Variants in SDK1 observed in about 807,000 individuals in gnomAD.
SDK1 encodes the protein sidekick cell adhesion molecule 1.
SDK1 carries 157 observed loss-of-function variants against 245.5 expected under a neutral mutation model. The observed-to-expected ratio is 0.64, with a 90% confidence interval of 0.56 to 0.73. The LOEUF (loss-of-function observed/expected upper bound fraction) is 0.73. SDK1 is among the 30% of genes least tolerant of loss of function. The pLI is 0.00. For synonymous variants in SDK1, 1,647 were observed against 1,278.5 expected, an observed-to-expected ratio of 1.29 and a Z score of -6.15; for missense variants, 3,583 against 3,002.3, an observed-to-expected ratio of 1.19 and a Z score of -4.52.
At chr7:3,481,004 T>A (rs1319242655) in intron 1 of SDK1, among the ~76,000 whole-genome samples, 1 of 152,236 alleles carries the variant, frequency 6.6e-6, no homozygotes, top group Admixed American at 6.5e-5. Context: ...GTATATAGAT[T>A]TTGAATTTTT....
At chr7:3,618,982 A>T in intron 1 of SDK1, 98 bp from the exon 2 acceptor site, 1 of 1,023,652 alleles carries the variant, frequency 9.8e-7, no homozygotes, top group Non-Finnish European at 1.4e-6. Flanking sequence ...CTTTCATTTT[A>T]ATATTACGTT....
At chr7:4,145,698 G>A (rs746440481) in intron 28 of SDK1, 24 bp from the exon 29 acceptor site, 2 of 1,581,172 alleles carry the variant, frequency 1.3e-6, no homozygotes, top group South Asian at 1.2e-5. Flanking sequence ...CTCAGCAGCT[G>A]TCTCCCATGT....
intron 2 of SDK1, among the ~76,000 whole-genome samples, chr7:3,638,429 A>G (rs2128650816): frequency 6.6e-6 from 1 of 152,078 alleles, no homozygotes; most frequent in South Asian, 2.1e-4. Context: ...TGTGGCACAT[A>G]TACACCATGG....
At chr7:3,567,939 C>G (rs1583175043) in intron 1 of SDK1, among the ~76,000 whole-genome samples, 1 of 152,186 alleles carries the variant, frequency 6.6e-6, no homozygotes, top group African/African-American at 2.4e-5. Flanking sequence ...ACCTCAGCCT[C>G]CTGAGTAGCT....
Position 4,229,074 on chromosome 7 carries a change from C to T in SDK1, c.5828-4181C>T, listed in dbSNP as rs143888093. On this transcript the variant is annotated intron_variant, in intron 40 of 44. Transcript: ENST00000404826. ...ATGGAAAAATTGGTTGCATAAATCT[C>T]ATTTTTGCTAATAGTTCTGTAATGT... Among the ~76,000 whole-genome samples, 117 of 152,342 alleles carry T rather than the reference C, an allele frequency of 7.7e-4. 1 individual carries two copies. Among genetic ancestry groups the T allele is most frequent in the African/African-American group, 2.6e-3 (108 of 41,580 alleles).
chr7:3,733,740 C>T (rs577525945), intron 4 of SDK1, among the ~76,000 whole-genome samples: 72 of 152,282 alleles, frequency 4.7e-4, no homozygotes, highest in African/African-American at 6.7e-4. Flanking sequence ...GGAAACTGGA[C>T]GTTGCTTCTC....
rs185100873 is a variant in SDK1 at position 3,804,650 on chromosome 7, C to G, written c.714-16800C>G. On this transcript the variant is annotated intron_variant, in intron 4 of 44. Transcript: ENST00000404826. ...CATTAAACACGTAGGCCTGTTCGGA[C>G]AAAACCAGTATCTTTACTTTGTTGT... is the stretch of plus-strand genomic sequence containing the variant. Among the ~76,000 whole-genome samples, 191 of 152,316 alleles carry G rather than the reference C, an allele frequency of 1.3e-3. 1 individual carries two copies. The highest frequency in any genetic ancestry group is 4.4e-3 in the African/African-American group (184 of 41,562).
chr7:3,637,964 C>T (rs190344086), intron 2 of SDK1, among the ~76,000 whole-genome samples: 2 of 152,304 alleles, frequency 1.3e-5, no homozygotes, highest in Admixed American at 6.5e-5. Flanking sequence ...CACAAGACAT[C>T]GTGTTAAGAC....
At position 3,485,835 on chromosome 7, in the gene SDK1, G is replaced by A. The variant is rs547854158; in HGVS notation, c.299-133245G>A. 8.6e-5 allele frequency among the ~76,000 whole-genome samples: 13 copies of A among 151,568 alleles called. No individual in the cohort carries two copies. In the South Asian group the frequency reaches 1.0e-3, roughly 12 times the overall value. ...TATATTTATGAATCCAACTATGGTG[G>A]CTTTCTAAAACATCTTAGGTTTTTA... On this transcript the variant is annotated intron_variant, in intron 1 of 44. Transcript: ENST00000404826.
chr7:3,328,206 C>G (rs889849845), intron 1 of SDK1, among the ~76,000 whole-genome samples: 1 of 152,028 alleles, frequency 6.6e-6, no homozygotes, highest in African/African-American at 2.4e-5. Context: ...GGCAAAATGA[C>G]AAATGATATT....
chr7:3,725,449 C>T (rs1007730903), intron 4 of SDK1, among the ~76,000 whole-genome samples: 1 of 151,814 alleles, frequency 6.6e-6, no homozygotes, highest in African/African-American at 2.4e-5. Flanking sequence ...TGATAAATTT[C>T]ATGTTTTTCA....
chr7:3,418,813 C>G (rs532097086), intron 1 of SDK1, among the ~76,000 whole-genome samples: 29 of 152,290 alleles, frequency 1.9e-4, no homozygotes, highest in Admixed American at 5.2e-4. Context: ...TTTATATATA[C>G]AGTCGTCCCT....
chr7:3,897,334 C>G (rs77051620), intron 5 of SDK1, among the ~76,000 whole-genome samples: 3,590 of 152,288 alleles, frequency 0.024, 57 homozygotes, highest in Non-Finnish European at 0.035. Context: ...ACTGGAAGCT[C>G]TTTCCCCATC....
chr7:3,799,306 T>A (rs2115033072), intron 4 of SDK1, among the ~76,000 whole-genome samples: 1 of 152,056 alleles, frequency 6.6e-6, no homozygotes, highest in East Asian at 1.9e-4. Context: ...TTCTTCTATC[T>A]CAAATTGTGG....
chr7:3,458,835 A>G (rs1411810023), intron 1 of SDK1, among the ~76,000 whole-genome samples: 1 of 152,116 alleles, frequency 6.6e-6, no homozygotes, highest in Non-Finnish European at 1.5e-5. Context: ...TGTTTTGTCT[A>G]CCTATGCACC....
chr7:3,830,471 A>T (rs189351955), intron 5 of SDK1, among the ~76,000 whole-genome samples: 26 of 152,218 alleles, frequency 1.7e-4, no homozygotes, highest in African/African-American at 6.0e-4. Context: ...GGGGGCTAGA[A>T]CTTAAAGTAA....
intron 22 of SDK1, among the ~76,000 whole-genome samples, chr7:4,084,974 G>T (rs879268716): frequency 6.6e-6 from 1 of 152,060 alleles, no homozygotes; most frequent in Non-Finnish European, 1.5e-5. Context: ...TGTTGGACCA[G>T]GCTGGTGTCG....
chr7:4,136,568 G>A (rs899173569), intron 28 of SDK1, among the ~76,000 whole-genome samples: 11 of 152,224 alleles, frequency 7.2e-5, no homozygotes, highest in Admixed American at 6.5e-4. Context: ...ATTTTACTGT[G>A]GAGTGCTTTT....
At chr7:3,824,627 G>A (rs929157817) in intron 5 of SDK1, among the ~76,000 whole-genome samples, 4 of 152,122 alleles carry the variant, frequency 2.6e-5, no homozygotes, top group Non-Finnish European at 5.9e-5. Flanking sequence ...TAAGTGATGC[G>A]CTGTCACCCA....
Sources: allele counts gnomAD v4.1 joint callset (sites outside exome capture counted in the v4.1 genomes callset), GRCh38; gene constraint gnomAD v4.1.1; transcripts MANE v1.5; gene names NCBI Gene and HGNC (gene_info 2026-07-23, HGNC 2026-07-21).